Variants in SIAE observed in about 807,000 individuals in gnomAD.
SIAE encodes the protein sialic acid acetylesterase.
A neutral mutation model predicts 52.6 loss-of-function variants in SIAE; 39 were observed. The observed-to-expected ratio is 0.74, with a 90% CI of 0.57 to 0.97. The LOEUF is 0.97. Among genes scored for constraint, SIAE ranks in the 50% least tolerant of loss-of-function variants. SIAE has a pLI of 0.00. For synonymous variants in SIAE, 233 were observed against 241.4 expected (o/e 0.97, Z 0.32); for missense variants, 592 against 662.1 (o/e 0.89, Z 1.16).
rs1942740345 is a variant in SIAE at position 124,636,397 on chromosome 11, A to C, written c.*554T>G. On this transcript the variant is annotated 3_prime_UTR_variant, in exon 10 of 10. Transcript: ENST00000263593. ...GTTCCACATAAGGAAAAACTTGGAAAGTTTTGAATGGAAAGTTCATAGAGA... is the reference window on the plus strand; with the variant it reads ...GTTCCACATAAGGAAAAACTTGGAACGTTTTGAATGGAAAGTTCATAGAGA... 6.4e-6 allele frequency: 1 copy of C among 156,986 alleles called. No individual in the cohort carries two copies. The highest frequency in any genetic ancestry group is 1.9e-4 in the South Asian group (1 of 5,390). The allele number at this position is 156,986 out of a possible 1,614,324, so 9.7% of individuals were successfully genotyped here.
intron 4 of SIAE, among the ~76,000 whole-genome samples, chr11:124,651,743 A>G (rs920657641): frequency 6.6e-6 from 1 of 152,228 alleles, no homozygotes; most frequent in Non-Finnish European, 1.5e-5. Context: ...GCATCGCTCC[A>G]TCACTAGACC....
At chr11:124,642,449 C>G (rs1305225258) in intron 7 of SIAE, among the ~76,000 whole-genome samples, 5 of 152,142 alleles carry the variant, frequency 3.3e-5, no homozygotes, top group African/African-American at 1.2e-4. Context: ...GAATGAATAA[C>G]AAGATAGATC....
Position 124,648,138 on chromosome 11 carries a change from G to C in SIAE, c.760C>G (p.His254Asp). ...PYDSVTGPSK[H>D]SVLWNAMIHP... Reference sequence around the variant, plus strand: ...ATCATGGCATTCCAGAGAACAGAGTGCTTACTGGGACCAGTTACAGAATCG... The same window carrying C: ...ATCATGGCATTCCAGAGAACAGAGTCCTTACTGGGACCAGTTACAGAATCG... Residue 254 changes from histidine (H) to aspartate (D), a missense_variant, in exon 6 of 10, where the codon CAC becomes GAC. Transcript: ENST00000263593. The C allele has an allele frequency of 1.9e-6, 3 of 1,614,028 alleles. No homozygotes were observed. Among genetic ancestry groups the C allele is most frequent in the African/African-American group, 1.3e-5 (1 of 75,018 alleles).
upstream of SIAE, chr11:124,675,126 A>C (rs79089949): frequency 7.5e-5 from 85 of 1,126,436 alleles, no homozygotes; most frequent in Non-Finnish European, 9.7e-5. Flanking sequence ...GTTAGGGAAA[A>C]AAGAATTCAA....
chr11:124,660,563 A>C, intron 3 of SIAE, 65 bp downstream of exon 3: 2 of 1,558,888 alleles, frequency 1.3e-6, no homozygotes, highest in Non-Finnish European at 1.8e-6. Flanking sequence ...TTGCCCCCTT[A>C]TTCCTCCTTC....
chr11:124,647,467 C>T lies in SIAE; in HGVS notation c.864G>A (p.Leu288=). Residue 288 remains leucine, a synonymous_variant, in exon 7 of 10, where the codon CTG becomes CTA. Transcript: ENST00000263593. The stretch of plus-strand genomic sequence containing the variant: ...TGAGTGCAGGGAATGTGCAATTGTA[C>T]AGATCCGTGTTATAATTTATATTGG... ...GESNINYNTD[L]YNCTFPALIE... is the part of the protein sequence containing the mutation. The T allele has an allele frequency of 1.2e-6, 2 of 1,614,190 alleles. No homozygotes were observed. The highest frequency in any genetic ancestry group is 1.7e-6 in the Non-Finnish European group (2 of 1,180,026).
chr11:124,649,586 G>A, intron 5 of SIAE, 33 bp downstream of exon 5: 1 of 1,611,476 alleles, frequency 6.2e-7, no homozygotes, highest in Middle Eastern at 1.9e-4. Context: ...TTCCCTGGTA[G>A]GCTCTTTCTC....
chr11:124,653,130 G>T (rs1034658951), intron 4 of SIAE, among the ~76,000 whole-genome samples: 1 of 152,156 alleles, frequency 6.6e-6, no homozygotes. Flanking sequence ...TTCGGATAGT[G>T]TAAGACTGGA....
intron 8 of SIAE, 134 bp from the exon 9 acceptor site, chr11:124,638,871 T>C (rs1942797614): frequency 1.4e-6 from 1 of 719,648 alleles, no homozygotes. Flanking sequence ...GATCAGTGGC[T>C]AGTCAGCTCA....
At chr11:124,674,052 G>T, upstream of SIAE, 1 of 285,670 alleles carries the variant, frequency 3.5e-6, no homozygotes, top group Non-Finnish European at 6.7e-6. Flanking sequence ...TCGGAGCCCT[G>T]GGCCGTTTGG....
intron 5 of SIAE, 45 bp from the exon 6 acceptor site, chr11:124,648,220 G>T (rs1725437767): frequency 2.1e-6 from 3 of 1,445,892 alleles, no homozygotes; most frequent in South Asian, 1.1e-5. Flanking sequence ...GCCAGTGATT[G>T]ATCACATAAG....
At chr11:124,658,220 G>A (rs1045020903) in intron 3 of SIAE, among the ~76,000 whole-genome samples, 4 of 150,594 alleles carry the variant, frequency 2.7e-5, no homozygotes, top group African/African-American at 9.9e-5. Flanking sequence ...AGCAAAGCAT[G>A]CGTGTGAGTG....
chr11:124,656,457 C>A (rs924682681), intron 3 of SIAE, among the ~76,000 whole-genome samples: 1 of 152,030 alleles, frequency 6.6e-6, no homozygotes, highest in Non-Finnish European at 1.5e-5. Flanking sequence ...GAAGAGGGTC[C>A]CTCCAAAGAT....
At chr11:124,671,705 CA>C (rs1293788066) in intron 1 of SIAE, among the ~76,000 whole-genome samples, 7 of 152,120 alleles carry the variant, frequency 4.6e-5, no homozygotes, top group African/African-American at 1.7e-4. Context: ...AGAAAGAGAG[CA>C]AGGCTGGTCA....
chr11:124,647,502 A>T lies in SIAE; in HGVS notation c.833-4T>A, dbSNP rs1323375896. The T allele has an allele frequency of 6.2e-7, 1 of 1,614,086 alleles. No homozygotes were observed. The highest frequency in any genetic ancestry group is 1.1e-5 in the South Asian group (1 of 91,076). ...TTATAATTTATATTGGACTCCCCTAAAAACAGTCCAAATTGTAAAGGGAGT... is the reference window on the plus strand; with the variant it reads ...TTATAATTTATATTGGACTCCCCTATAAACAGTCCAAATTGTAAAGGGAGT... On this transcript the variant is annotated splice_polypyrimidine_tract_variant and splice_region_variant and intron_variant, in intron 6 of 9. Transcript: ENST00000263593.
intron 1 of SIAE, among the ~76,000 whole-genome samples, chr11:124,672,820 G>T (rs1943386850): frequency 6.6e-6 from 1 of 152,082 alleles, no homozygotes; most frequent in Non-Finnish European, 1.5e-5. Flanking sequence ...TCATTTTTCT[G>T]CACGCTGTTC....
intron 4 of SIAE, chr11:124,654,102 A>G (rs979591372): frequency 1.8e-5 from 8 of 448,712 alleles, no homozygotes; most frequent in Admixed American, 1.3e-4. Flanking sequence ...ACTTGAACCC[A>G]GGAGGCGGAG....
At chr11:124,644,111 T>C (rs987725637) in intron 7 of SIAE, among the ~76,000 whole-genome samples, 2 of 152,116 alleles carry the variant, frequency 1.3e-5, no homozygotes, top group Non-Finnish European at 2.9e-5. Context: ...ATGGAACCAA[T>C]AGGCCATTTA....
rs766691334 is a variant in SIAE at position 124,644,351 on chromosome 11, G to GAAAAAAAAAAAAAAAAAAAAAAAAAAAAA, written c.966+3013_966+3014insTTTTTTTTTTTTTTTTTTTTTTTTTTTTT. On this transcript the variant is annotated intron_variant, in intron 7 of 9. Transcript: ENST00000263593. ...AACGCCACAGGAAAGAGTCTGTGGT[G>GAAAAAAAAAAAAAAAAAAAAAAAAAAAAA]AGAAAAAAAAAAAAAAAAAAAAACT... is the stretch of plus-strand genomic sequence containing the variant. Among the ~76,000 whole-genome samples, 3 of 98,990 alleles carry GAAAAAAAAAAAAAAAAAAAAAAAAAAAAA rather than the reference G, an allele frequency of 3.0e-5. 1 individual carries two copies. Among genetic ancestry groups the GAAAAAAAAAAAAAAAAAAAAAAAAAAAAA allele is most frequent in the Admixed American group, 1.2e-4 (1 of 8,688 alleles). The allele number at this position is 98,990 out of a possible 152,430, so 64.9% of individuals were successfully genotyped here.
Sources: allele counts gnomAD v4.1 joint callset (sites outside exome capture counted in the v4.1 genomes callset), GRCh38; gene constraint gnomAD v4.1.1; transcripts MANE v1.5; gene names NCBI Gene and HGNC (gene_info 2026-07-23, HGNC 2026-07-21).